The following C1QA variants were observed in gnomAD, a reference collection of about 807,000 sequenced individuals.
C1QA encodes the protein complement C1q subcomponent subunit A.
C1QA carries 3 observed loss-of-function variants against 6.9 expected under a neutral mutation model. That is an observed-to-expected ratio of 0.44 (90% CI 0.20 to 1.12). C1QA has a LOEUF of 1.12. Ranked by LOEUF, C1QA falls within the 50% of genes most tolerant of loss-of-function variation. The pLI is 0.27. For missense variants in C1QA, 273 were observed against 326.6 expected, an observed-to-expected ratio of 0.84 and a Z score of 1.26; for synonymous variants, 128 against 134.1, an observed-to-expected ratio of 0.95 and a Z score of 0.31.
In C1QA at chr1:22,639,308, C is replaced by A. The variant is rs961087888; in HGVS notation, c.639C>A (p.Asp213Glu). 5.8e-5 allele frequency: 93 copies of A among 1,614,038 alleles called. No homozygotes were observed. Among genetic ancestry groups the A allele is most frequent in the Non-Finnish European group, 7.8e-5 (92 of 1,179,934 alleles). ...TGGTGCTTCAGCTGCAGCAGGGTGA[C>A]CAGGTCTGGGTTGAAAAAGACCCCA... ...GGMVLQLQQG[D>E]QVWVEKDPKK... is the part of the protein sequence containing the mutation. The change falls in exon 3 of 3, where the codon GAC (aspartate) becomes GAA (glutamate). Residue 213 changes from aspartate to glutamate, a missense_variant. Asp to Glu is a conservative substitution (Grantham distance 45). Coordinates refer to ENST00000374642, the MANE Select transcript of C1QA (RefSeq NM_015991.4). This position sits in a 1 kb window ranked among gnomAD's most constrained non-coding sequence, Gnocchi z 4.6.
In C1QA at chr1:22,639,672, C is replaced by T. The variant is rs754999676; in HGVS notation, c.*265C>T. On this transcript the variant is annotated 3_prime_UTR_variant, in exon 3 of 3. Transcript: ENST00000374642. The surrounding 1 kb of genome is among the most constrained non-coding windows in gnomAD (Gnocchi z 4.6). ...GCCTAAGAATAATAACAATCCAGTG[C>T]TTAAGAGTCAGGCCCGTCCTTAGTA... The T allele has an allele frequency of 1.3e-5, 7 of 553,124 alleles. No individual in the cohort carries two copies. The highest frequency in any genetic ancestry group is 1.9e-5 in the Non-Finnish European group (6 of 311,250). The allele number at this position is 553,124 out of a possible 1,614,324, so 34.3% of individuals were successfully genotyped here.
In C1QA at chr1:22,639,590, T is replaced by G; in HGVS notation, c.*183T>G. The G allele has an allele frequency of 1.6e-6, 1 of 640,080 alleles. No homozygotes were observed. Among genetic ancestry groups the G allele is most frequent in the Non-Finnish European group, 2.7e-6 (1 of 371,512 alleles). 39.7% of individuals were successfully genotyped at this position (640,080 alleles called of 1,614,324 possible). On this transcript the variant is annotated 3_prime_UTR_variant, in exon 3 of 3. Transcript: ENST00000374642. This position sits in a 1 kb window ranked among gnomAD's most constrained non-coding sequence, Gnocchi z 4.6. ...TAGACCTCTTCCTGGAATAAACATC[T>G]GTGTCTGTGTCTGCTGAACATGAGC...
chr1:22,638,621 G>A (rs1642216499), intron 2 of C1QA, among the ~76,000 whole-genome samples: 1 of 152,172 alleles, frequency 6.6e-6, no homozygotes, highest in South Asian at 2.1e-4. Flanking sequence ...TTTCCCAAGT[G>A]CCTGTTCACA....
In C1QA at chr1:22,637,855, C is replaced by T; in HGVS notation, c.163+76C>T. On this transcript the variant is annotated intron_variant, in intron 2 of 2. Transcript: ENST00000374642. This position sits in a 1 kb window ranked among gnomAD's most constrained non-coding sequence, Gnocchi z 4.4. ...CCTCCAGGGTGAAGGCTTGGGGTGG[C>T]ACTGAGAATCAGGAGTCCGTCTGCC... is the stretch of plus-strand genomic sequence containing the variant. 1 of 1,465,394 alleles carries T rather than the reference C, an allele frequency of 6.8e-7. No homozygotes were observed. 90.8% of individuals were successfully genotyped at this position (1,465,394 alleles called of 1,614,324 possible). A position where few individuals can be genotyped will look rare whatever the true frequency, so the allele number is the denominator to read the frequency against.
rs35138344 is a variant in C1QA, at chr1:22,639,404, C to T, written c.735C>T (p.Ala245=). The part of the protein sequence containing the change: ...VFSGFLIFPS[A] ...GCGGCTTCCTCATCTTCCCATCTGC[C>T]TGAGCCAGGGAAGGACCCCCTCCCC... Residue 245 remains alanine (A), a synonymous_variant, in exon 3 of 3, where the codon GCC becomes GCT. Transcript: ENST00000374642. This position sits in a 1 kb window ranked among gnomAD's most constrained non-coding sequence, Gnocchi z 4.6. The T allele has an allele frequency of 2.9e-4, 474 of 1,613,202 alleles. 5 individuals are homozygous for T. In the African/African-American group the frequency reaches 5.5e-3, roughly 19 times the overall value.
Position 22,639,384 on chromosome 1 carries a change from T to C in C1QA, c.715T>C (p.Phe239Leu). Reference protein sequence around the residue: ...GSEADSVFSGFLIFPSA With the variant: ...GSEADSVFSGLLIFPSA ...TGAGGCCGACAGCGTCTTCAGCGGC[T>C]TCCTCATCTTCCCATCTGCCTGAGC... is the stretch of plus-strand genomic sequence containing the variant. Residue 239 changes from phenylalanine to leucine, a missense_variant, in exon 3 of 3, where the codon TTC becomes CTC. By Grantham distance (22) the Phe-to-Leu change is conservative. Transcript: ENST00000374642. This position sits in a 1 kb window ranked among gnomAD's most constrained non-coding sequence, Gnocchi z 4.6. 5.0e-6 allele frequency: 8 copies of C among 1,613,790 alleles called. No individual in the cohort carries two copies. The highest frequency in any genetic ancestry group is 6.8e-6 in the Non-Finnish European group (8 of 1,180,020).
At chr1:22,638,442 G>C (rs1343061462) in intron 2 of C1QA, among the ~76,000 whole-genome samples, 1 of 152,156 alleles carries the variant, frequency 6.6e-6, no homozygotes. Context: ...AAGCAGACCA[G>C]AAGGATCACA....
At position 22,638,913 on chromosome 1, in the gene C1QA, G is replaced by C. The variant is rs1395307934; in HGVS notation, c.244G>C (p.Val82Leu). 2 of 1,597,188 alleles carry C rather than the reference G, an allele frequency of 1.3e-6. No individual in the cohort carries two copies. The highest frequency in any genetic ancestry group is 2.7e-5 in the African/African-American group (2 of 74,720). The stretch of plus-strand genomic sequence containing the variant: ...TGGGCCCTCTGGAAACCCCGGCAAG[G>C]TGGGCTACCCAGGGCCCAGCGGCCC... The part of the protein sequence containing the change: ...EPGPSGNPGK[V>L]GYPGPSGPLG... The change falls in exon 3 of 3, where the codon GTG (valine) becomes CTG (leucine). Residue 82 changes from valine (V) to leucine (L), a missense_variant. By Grantham distance (32) the Val-to-Leu change is conservative (BLOSUM62 1). Transcript: ENST00000374642.
In C1QA at chr1:22,639,163, T is replaced by C. The variant is rs1310779041; in HGVS notation, c.494T>C (p.Val165Ala). 11 of 1,614,230 alleles carry C rather than the reference T, an allele frequency of 6.8e-6. No individual in the cohort carries two copies. The highest frequency in any genetic ancestry group is 9.3e-6 in the Non-Finnish European group (11 of 1,180,040). ...VPGYYYFTFQ[V>A]LSQWEICLSI... Reference sequence around the variant, plus strand: ...GGCTACTACTACTTCACCTTCCAGGTGCTGTCCCAGTGGGAAATCTGCCTG... The same window carrying C: ...GGCTACTACTACTTCACCTTCCAGGCGCTGTCCCAGTGGGAAATCTGCCTG... The change falls in exon 3 of 3, where the codon GTG becomes GCG. Residue 165 changes from valine to alanine, a missense_variant. Physicochemically the swap from Val to Ala is moderately conservative, Grantham distance 64. Coordinates refer to ENST00000374642, the MANE Select transcript of C1QA (RefSeq NM_015991.4). This position sits in a 1 kb window ranked among gnomAD's most constrained non-coding sequence, Gnocchi z 4.6.
chr1:22,639,653 G>GA lies in C1QA; in HGVS notation c.*248dup. 1.7e-6 allele frequency: 1 copy of GA among 580,618 alleles called. No homozygotes were observed. Among genetic ancestry groups the GA allele is most frequent in the Non-Finnish European group, 3.1e-6 (1 of 325,946 alleles). 36.0% of individuals were successfully genotyped at this position (580,618 alleles called of 1,614,324 possible). The stretch of plus-strand genomic sequence containing the variant: ...TCGGAGCATTGAGAGGGAGGCCTAA[G>GA]AATAATAACAATCCAGTGCTTAAGA... On this transcript the variant is annotated 3_prime_UTR_variant, in exon 3 of 3. Coordinates refer to ENST00000374642, the MANE Select transcript of C1QA (RefSeq NM_015991.4). This position sits in a 1 kb window ranked among gnomAD's most constrained non-coding sequence, Gnocchi z 4.6.
Position 22,637,879 on chromosome 1 carries a change from C to T in C1QA, c.163+100C>T, listed in dbSNP as rs1156651157. 3.7e-6 allele frequency: 5 copies of T among 1,367,944 alleles called. No homozygotes were observed. The highest frequency in any genetic ancestry group is 2.6e-4 in the Middle Eastern group (1 of 3,824). 84.7% of individuals were successfully genotyped at this position (1,367,944 alleles called of 1,614,324 possible). ...GCACTGAGAATCAGGAGTCCGTCTG[C>T]CCCCAGTGCCCCATGAATCCTCTCC... On this transcript the variant is annotated intron_variant, in intron 2 of 2. Coordinates refer to ENST00000374642, the MANE Select transcript of C1QA (RefSeq NM_015991.4). The surrounding 1 kb of genome is among the most constrained non-coding windows in gnomAD (Gnocchi z 4.4).
At position 22,639,042 on chromosome 1, in the gene C1QA, C is replaced by A. The variant is rs746607173; in HGVS notation, c.373C>A (p.Pro125Thr). 1 of 1,614,240 alleles carries A rather than the reference C, an allele frequency of 6.2e-7. No individual in the cohort carries two copies. Among genetic ancestry groups the A allele is most frequent in the Non-Finnish European group, 8.5e-7 (1 of 1,180,044 alleles). Residue 125 changes from proline to threonine, a missense_variant, in exon 3 of 3, where the codon CCA (proline) becomes ACA (threonine). Transcript: ENST00000374642. The surrounding 1 kb of genome is among the most constrained non-coding windows in gnomAD (Gnocchi z 4.6). Reference sequence around the variant, plus strand: ...CTTCTCCGCCATTCGGCGGAACCCCCCAATGGGGGGCAACGTGGTCATCTT... The same window carrying A: ...CTTCTCCGCCATTCGGCGGAACCCCACAATGGGGGGCAACGTGGTCATCTT... ...PAFSAIRRNP[P>T]MGGNVVIFDT...
rs1642200139 is a variant in C1QA at position 22,637,493 on chromosome 1, GGTGCATGTGCACTTGGGGAGGACT to G, written c.-7-110_-7-87del. 13 of 1,292,112 alleles carry G rather than the reference GGTGCATGTGCACTTGGGGAGGACT, an allele frequency of 1.0e-5. No homozygotes were observed. Among genetic ancestry groups the G allele is most frequent in the African/African-American group, 5.9e-5 (4 of 68,236 alleles). The allele number at this position is 1,292,112 out of a possible 1,614,324, so 80.0% of individuals were successfully genotyped here. A position where few individuals can be genotyped will look rare whatever the true frequency, so the allele number is the denominator to read the frequency against. On this transcript the variant is annotated intron_variant, in intron 1 of 2. Coordinates refer to ENST00000374642, the MANE Select transcript of C1QA (RefSeq NM_015991.4). The surrounding 1 kb of genome is among the most constrained non-coding windows in gnomAD (Gnocchi z 4.4). ...AGAGTGGACATTGAGAGCCCCAGAGGGTGCATGTGCACTTGGGGAGGACTGTGCATATATCATTGTGTGCATGGG... is the reference window on the plus strand; with the variant it reads ...AGAGTGGACATTGAGAGCCCCAGAGGGTGCATATATCATTGTGTGCATGGG...
chr1:22,639,216 GTCCGACGC>G lies in C1QA; in HGVS notation c.551_558del (p.Arg184ProfsTer5), dbSNP rs1170537463. The G allele has an allele frequency of 6.2e-7, 1 of 1,614,118 alleles. No individual in the cohort carries two copies. Among genetic ancestry groups the G allele is most frequent in the Non-Finnish European group, 8.5e-7 (1 of 1,180,052 alleles). Reference sequence around the variant, plus strand: ...CATCGTCTCCTCCTCAAGGGGCCAGGTCCGACGCTCCCTGGGCTTCTGTGACACCACCA... The same window carrying G: ...CATCGTCTCCTCCTCAAGGGGCCAGGTCCCTGGGCTTCTGTGACACCACCA... On this transcript the variant is annotated frameshift_variant, in exon 3 of 3. Transcript: ENST00000374642. LOFTEE classifies it high-confidence loss of function. The surrounding 1 kb of genome is among the most constrained non-coding windows in gnomAD (Gnocchi z 4.6).
Position 22,639,438 on chromosome 1 carries a change from T to C in C1QA, c.*31T>C. 6.2e-7 allele frequency: 1 copy of C among 1,606,364 alleles called. No homozygotes were observed. Among genetic ancestry groups the C allele is most frequent in the Non-Finnish European group, 8.5e-7 (1 of 1,178,362 alleles). On this transcript the variant is annotated 3_prime_UTR_variant, in exon 3 of 3. Coordinates refer to ENST00000374642, the MANE Select transcript of C1QA (RefSeq NM_015991.4). This position sits in a 1 kb window ranked among gnomAD's most constrained non-coding sequence, Gnocchi z 4.6. ...GGAAGGACCCCCTCCCCCACCCACC[T>C]CTCTGGCTTCCATGCTCCGCCTGTA...
Position 22,639,364 on chromosome 1 carries a change from C to T in C1QA, c.695C>T (p.Ala232Val), listed in dbSNP as rs1367800972. 9.9e-6 allele frequency: 16 copies of T among 1,613,922 alleles called. No homozygotes were observed. The highest frequency in any genetic ancestry group is 1.4e-5 in the Non-Finnish European group (16 of 1,180,044). Residue 232 changes from alanine (A) to valine (V), a missense_variant, in exon 3 of 3, where the codon GCC becomes GTC. Coordinates refer to ENST00000374642, the MANE Select transcript of C1QA (RefSeq NM_015991.4). The surrounding 1 kb of genome is among the most constrained non-coding windows in gnomAD (Gnocchi z 4.6). ...KKGHIYQGSE[A>V]DSVFSGFLIF... Reference sequence around the variant, plus strand: ...GGTCACATTTACCAGGGCTCTGAGGCCGACAGCGTCTTCAGCGGCTTCCTC... The same window carrying T: ...GGTCACATTTACCAGGGCTCTGAGGTCGACAGCGTCTTCAGCGGCTTCCTC...
In C1QA at chr1:22,637,600, G is replaced by A; in HGVS notation, c.-7-10G>A. The A allele has an allele frequency of 6.2e-7, 1 of 1,613,774 alleles. No individual in the cohort carries two copies. Among genetic ancestry groups the A allele is most frequent in the Non-Finnish European group, 8.5e-7 (1 of 1,179,894 alleles). ...GTCCAACCTGCCCAGGCCCTCCCGT[G>A]TCTCCACAGAGGCATCATGGAGGGT... On this transcript the variant is annotated splice_polypyrimidine_tract_variant and intron_variant, in intron 1 of 2. Transcript: ENST00000374642. This position sits in a 1 kb window ranked among gnomAD's most constrained non-coding sequence, Gnocchi z 4.4.
chr1:22,637,375 A>C lies in C1QA; in HGVS notation c.-7-235A>C, dbSNP rs975352124. 1.3e-5 allele frequency among the ~76,000 whole-genome samples: 2 copies of C among 151,664 alleles called. No homozygotes were observed. The highest frequency in any genetic ancestry group is 4.9e-5 in the African/African-American group (2 of 41,234). The stretch of plus-strand genomic sequence containing the variant: ...CGTGGATGAGAGCTGTGTTTGTGTG[A>C]GTGTGTGAAGATGTGGGTGTGCTCT... On this transcript the variant is annotated intron_variant, in intron 1 of 2. Transcript: ENST00000374642. The surrounding 1 kb of genome is among the most constrained non-coding windows in gnomAD (Gnocchi z 4.4).
chr1:22,639,402 G>A lies in C1QA; in HGVS notation c.733G>A (p.Ala245Thr). ...VFSGFLIFPS[A>T] ...CAGCGGCTTCCTCATCTTCCCATCT[G>A]CCTGAGCCAGGGAAGGACCCCCTCC... The change falls in exon 3 of 3, where the codon GCC (alanine) becomes ACC (threonine). Residue 245 changes from alanine to threonine, a missense_variant. Coordinates refer to ENST00000374642, the MANE Select transcript of C1QA (RefSeq NM_015991.4). This position sits in a 1 kb window ranked among gnomAD's most constrained non-coding sequence, Gnocchi z 4.6. 6.2e-7 allele frequency: 1 copy of A among 1,613,180 alleles called. No homozygotes were observed. Among genetic ancestry groups the A allele is most frequent in the Non-Finnish European group, 8.5e-7 (1 of 1,180,006 alleles).
Sources: allele counts gnomAD v4.1 joint callset (sites outside exome capture counted in the v4.1 genomes callset), GRCh38; gene constraint gnomAD v4.1.1; non-coding constraint Gnocchi (gnomAD v3.1); transcripts MANE v1.5; gene names NCBI Gene and HGNC (gene_info 2026-07-23, HGNC 2026-07-21).